The following ACSBG1 variants were observed in gnomAD, a reference collection of about 807,000 sequenced individuals.
ACSBG1 encodes acyl-CoA synthetase bubblegum family member 1.
Under a neutral mutation model 80.2 loss-of-function variants are expected in ACSBG1, and 39 were observed. The observed-to-expected ratio is 0.49, with a 90% CI of 0.38 to 0.64. The LOEUF is 0.64. Ranked by LOEUF, ACSBG1 falls within the 30% of genes least tolerant of loss-of-function variation. The pLI is 0.00. For missense variants in ACSBG1, 828 were observed against 966.4 expected (o/e 0.86, Z 1.90); for synonymous variants, 392 against 379.5 (o/e 1.03, Z -0.38).
chr15:78,219,552 T>A lies in ACSBG1; in HGVS notation c.132-11450A>T, dbSNP rs563774362. ...GAAGACCTAAATAAATGGAAAGATA[T>A]CTCATGATCGAGAGACTTAATATTG... On this transcript the variant is annotated intron_variant, in intron 1 of 13. Transcript: ENST00000258873. Among the ~76,000 whole-genome samples the A allele has an allele frequency of 3.5e-4, 54 of 152,308 alleles. No homozygotes were observed. The South Asian group carries it at 0.011, about 30-fold the overall frequency.
intron 1 of ACSBG1, among the ~76,000 whole-genome samples, chr15:78,232,266 C>G (rs550722739): frequency 6.6e-6 from 1 of 152,222 alleles, no homozygotes; most frequent in African/African-American, 2.4e-5. Flanking sequence ...AAAGGTTAAA[C>G]AATGTATCCA....
Position 78,180,853 on chromosome 15 carries a change from G to A in ACSBG1, c.1155C>T (p.Arg385=). The A allele has an allele frequency of 1.2e-6, 2 of 1,614,202 alleles. No homozygotes were observed. The highest frequency in any genetic ancestry group is 1.1e-5 in the South Asian group (1 of 91,090). ...CAGACTGAGCCGCCACCTCCTGGAT[G>A]CGCTCCATGATCTTCTCCCATACCC... ...VPRVWEKIME[R]IQEVAAQSGF... Residue 385 remains arginine, a synonymous_variant, in exon 9 of 14, where the codon CGC becomes CGT. Transcript: ENST00000258873.
chr15:78,193,744 C>G, intron 4 of ACSBG1, 118 bp from the exon 5 acceptor site: 1 of 1,395,196 alleles, frequency 7.2e-7, no homozygotes, highest in African/African-American at 1.5e-5. Flanking sequence ...GCAGGAGGGG[C>G]TCCCAAGGCA....
chr15:78,199,385 A>G (rs1053678940), intron 2 of ACSBG1, among the ~76,000 whole-genome samples: 7 of 150,494 alleles, frequency 4.7e-5, no homozygotes, highest in Non-Finnish European at 8.9e-5. Context: ...GTGCCTGGCC[A>G]TATTTTTCTA....
intron 2 of ACSBG1, 131 bp from the exon 3 acceptor site, chr15:78,194,857 G>C (rs1184582530): frequency 2.7e-6 from 2 of 731,132 alleles, no homozygotes; most frequent in African/African-American, 3.5e-5. Flanking sequence ...GGCAGGCCAG[G>C]GTAGACTGGG....
rs1316160740 is a variant in ACSBG1, at chr15:78,178,530, G to A, written c.1702+84C>T. On this transcript the variant is annotated intron_variant, in intron 11 of 13. Transcript: ENST00000258873. The surrounding 1 kb of genome is among the most constrained non-coding windows in gnomAD (Gnocchi z 4.3). ...CTGCCCAGGGTGGTCTTGAACTCCTGAGCTCAGACAATCTGCCCGCCTTGG... is the reference window on the plus strand; with the variant it reads ...CTGCCCAGGGTGGTCTTGAACTCCTAAGCTCAGACAATCTGCCCGCCTTGG... The A allele has an allele frequency of 6.8e-7, 1 of 1,461,528 alleles. No homozygotes were observed. The allele number at this position is 1,461,528 out of a possible 1,614,324, so 90.5% of individuals were successfully genotyped here. A position where few individuals can be genotyped will look rare whatever the true frequency, so the allele number is the denominator to read the frequency against.
chr15:78,187,277 CT>C (rs1412612729), intron 5 of ACSBG1, among the ~76,000 whole-genome samples: 1 of 152,228 alleles, frequency 6.6e-6, no homozygotes, highest in African/African-American at 2.4e-5. Flanking sequence ...CCTTCTGAAA[CT>C]ATTCCAATCA....
rs1035610889 is a variant in ACSBG1, at chr15:78,177,164, T to G, written c.1702+1450A>C. 6.6e-6 allele frequency among the ~76,000 whole-genome samples: 1 copy of G among 152,148 alleles called. No individual in the cohort carries two copies. The highest frequency in any genetic ancestry group is 1.5e-5 in the Non-Finnish European group (1 of 68,030). On this transcript the variant is annotated intron_variant, in intron 11 of 13. Transcript: ENST00000258873. This position sits in a 1 kb window ranked among gnomAD's most constrained non-coding sequence, Gnocchi z 4.1. Reference sequence around the variant, plus strand: ...TCTAAAATTCATATGGAAATGAAAATGGCCAAGAATAGCCAAGGTCATCTT... The same window carrying G: ...TCTAAAATTCATATGGAAATGAAAAGGGCCAAGAATAGCCAAGGTCATCTT...
In ACSBG1 at chr15:78,172,170, C is replaced by T. The variant is rs189533180; in HGVS notation, c.2090-641G>A. Among the ~76,000 whole-genome samples, 83 of 152,346 alleles carry T rather than the reference C, an allele frequency of 5.4e-4. No homozygotes were observed. Among genetic ancestry groups the T allele is most frequent in the Non-Finnish European group, 1.0e-3 (69 of 68,026 alleles). On this transcript the variant is annotated intron_variant, in intron 13 of 13. Transcript: ENST00000258873. The surrounding 1 kb of genome is among the most constrained non-coding windows in gnomAD (Gnocchi z 4.1). ...ACCCAGCTCACATTGACTGTAATCCCGTGAGACCCAAGCCAGAACCACTCA... is the reference window on the plus strand; with the variant it reads ...ACCCAGCTCACATTGACTGTAATCCTGTGAGACCCAAGCCAGAACCACTCA...
At chr15:78,223,481 T>A (rs1442196497) in intron 1 of ACSBG1, among the ~76,000 whole-genome samples, 1 of 152,186 alleles carries the variant, frequency 6.6e-6, no homozygotes, top group Non-Finnish European at 1.5e-5. Flanking sequence ...GGCCCAGCTA[T>A]TCCAAATCCT....
intron 2 of ACSBG1, among the ~76,000 whole-genome samples, chr15:78,198,747 C>T (rs1440424398): frequency 3.9e-5 from 6 of 152,202 alleles, no homozygotes; most frequent in African/African-American, 1.4e-4. Flanking sequence ...CCTCTTTCTA[C>T]AAATATTCAT....
intron 3 of ACSBG1, 57 bp downstream of exon 3, chr15:78,194,447 CCA>C: frequency 6.4e-7 from 1 of 1,552,152 alleles, no homozygotes; most frequent in Non-Finnish European, 8.8e-7. Flanking sequence ...CCTGTGAGGC[CCA>C]GAGCTGGGAG....
At chr15:78,171,853 C>G (rs1437340401) in intron 13 of ACSBG1, 5 of 180,490 alleles carry the variant, frequency 2.8e-5, no homozygotes, top group Non-Finnish European at 1.2e-5. Flanking sequence ...TTTCCTTGAC[C>G]TGTACCCAGT....
At chr15:78,171,575 A>G in intron 13 of ACSBG1, 46 bp from the exon 14 acceptor site, 1 of 1,509,604 alleles carries the variant, frequency 6.6e-7, no homozygotes, top group Non-Finnish European at 9.2e-7. Context: ...GGCTCTGAGA[A>G]CTCTGAGAAT....
chr15:78,179,565 T>C lies in ACSBG1; in HGVS notation c.1469A>G (p.Asn490Ser). Residue 490 changes from asparagine to serine, a missense_variant, in exon 10 of 14, where the codon AAC (asparagine) becomes AGC (serine). Asn to Ser is a conservative substitution (Grantham distance 46). Transcript: ENST00000258873. Reference sequence around the variant, plus strand: ...CGAGCCTCACCTGTACAGCCGGTAGTTGTAGGGACTGGACATGAAGTGGGG... The same window carrying C: ...CGAGCCTCACCTGTACAGCCGGTAGCTGTAGGGACTGGACATGAAGTGGGG... ...SGPHFMSSPY[N>S]YRLYSSGKLV... The C allele has an allele frequency of 6.2e-7, 1 of 1,612,410 alleles. No homozygotes were observed. The highest frequency in any genetic ancestry group is 8.5e-7 in the Non-Finnish European group (1 of 1,178,800).
Position 78,178,548 on chromosome 15 carries a change from C to T in ACSBG1, c.1702+66G>A, listed in dbSNP as rs2074906178. ...AACTCCTGAGCTCAGACAATCTGCC[C>T]GCCTTGGCCTCCCAAAGTGCTGGGA... On this transcript the variant is annotated intron_variant, in intron 11 of 13. Coordinates refer to ENST00000258873, the MANE Select transcript of ACSBG1 (RefSeq NM_015162.5). This position sits in a 1 kb window ranked among gnomAD's most constrained non-coding sequence, Gnocchi z 4.3. 5.9e-6 allele frequency: 9 copies of T among 1,514,530 alleles called. No homozygotes were observed. Among genetic ancestry groups the T allele is most frequent in the South Asian group, 3.8e-5 (3 of 78,330 alleles). 93.8% of individuals were successfully genotyped at this position (1,514,530 alleles called of 1,614,324 possible).
chr15:78,195,277 T>C (rs2075103174), intron 2 of ACSBG1, among the ~76,000 whole-genome samples: 1 of 152,140 alleles, frequency 6.6e-6, no homozygotes, highest in Non-Finnish European at 1.5e-5. Context: ...ACAAATGAGG[T>C]GTCTCATTTA....
intron 11 of ACSBG1, among the ~76,000 whole-genome samples, chr15:78,176,845 T>C (rs1417463198): frequency 6.6e-6 from 1 of 152,046 alleles, no homozygotes; most frequent in Non-Finnish European, 1.5e-5. Flanking sequence ...GGAGGATCAC[T>C]TGAGCCCAGG....
intron 1 of ACSBG1, among the ~76,000 whole-genome samples, chr15:78,218,360 C>T (rs1042368458): frequency 2.0e-5 from 3 of 152,076 alleles, no homozygotes; most frequent in African/African-American, 7.2e-5. Flanking sequence ...TGGGCTGGTT[C>T]TGGCTCACAG....
Sources: allele counts gnomAD v4.1 joint callset (sites outside exome capture counted in the v4.1 genomes callset), GRCh38; gene constraint gnomAD v4.1.1; non-coding constraint Gnocchi (gnomAD v3.1); transcripts MANE v1.5; gene names NCBI Gene and HGNC (gene_info 2026-07-23, HGNC 2026-07-21).